Variants in FBN2 observed in about 807,000 individuals in gnomAD.
The protein encoded by FBN2 is fibrillin 2.
FBN2 carries 105 observed loss-of-function variants against 355.6 expected under a neutral mutation model. The ratio of observed to expected loss-of-function variants is 0.30; its 90% CI spans 0.25 to 0.35. FBN2 has a LOEUF of 0.35. Ranked by LOEUF, FBN2 falls within the 10% of genes least tolerant of loss-of-function variation. The pLI is 1.00. For synonymous variants in FBN2, 1,350 were observed against 1,301.2 expected, an observed-to-expected ratio of 1.04 and a Z score of -0.81; for missense variants, 3,280 against 3,758.7, an observed-to-expected ratio of 0.87 and a Z score of 3.33.
At chr5:128,426,583 G>T (rs187638780) in intron 7 of FBN2, among the ~76,000 whole-genome samples, 72 of 152,238 alleles carry the variant, frequency 4.7e-4, no homozygotes, top group African/African-American at 1.6e-3. Context: ...AGTTCACACA[G>T]GTTTTCCAAT....
chr5:128,456,358 C>G (rs1754394766), intron 6 of FBN2, among the ~76,000 whole-genome samples: 1 of 152,216 alleles, frequency 6.6e-6, no homozygotes, highest in Admixed American at 6.5e-5. Context: ...GACTTAGCCT[C>G]TCCTCCTGGT....
intron 16 of FBN2, among the ~76,000 whole-genome samples, chr5:128,367,839 T>C (rs1476962710): frequency 6.6e-6 from 1 of 151,816 alleles, no homozygotes; most frequent in East Asian, 2.0e-4. Flanking sequence ...GTTTGGTACA[T>C]TTTAGAACTA....
intron 5 of FBN2, among the ~76,000 whole-genome samples, chr5:128,502,192 C>T (rs980854448): frequency 6.6e-6 from 1 of 151,612 alleles, no homozygotes; most frequent in African/African-American, 2.4e-5. Context: ...GTACAAACAG[C>T]TCAAAGAAAC....
rs150320794 is a variant in FBN2 at position 128,289,775 on chromosome 5, AATATACT to A, written c.6511+100_6511+106del. 2,927 of 706,494 alleles carry A rather than the reference AATATACT, an allele frequency of 4.1e-3. 64 individuals carry two copies. The African/African-American group carries it at 0.047, about 11-fold the overall frequency. The allele number at this position is 706,494 out of a possible 1,614,324, so 43.8% of individuals were successfully genotyped here. ...AGGGTTATATACATCCATTAAATAC[AATATACT>A]ATATGTTACATAGTAAAGTTAGCAT... On this transcript the variant is annotated intron_variant, in intron 51 of 64. Coordinates refer to ENST00000262464, the MANE Select transcript of FBN2 (RefSeq NM_001999.4).
chr5:128,339,146 T>G, intron 25 of FBN2, 85 bp from the exon 26 acceptor site: 1 of 1,405,094 alleles, frequency 7.1e-7, no homozygotes, highest in South Asian at 1.2e-5. Context: ...GCTTGAAAAG[T>G]TGGGGAAATT....
At chr5:128,414,806 C>T (rs545014743) in intron 7 of FBN2, among the ~76,000 whole-genome samples, 1 of 148,360 alleles carries the variant, frequency 6.7e-6, no homozygotes, top group East Asian at 2.0e-4. Flanking sequence ...TCATTATCTA[C>T]TTTTTTTTTT....
chr5:128,349,103 G>A (rs1398039473), intron 23 of FBN2, among the ~76,000 whole-genome samples: 1 of 152,150 alleles, frequency 6.6e-6, no homozygotes, highest in Non-Finnish European at 1.5e-5. Flanking sequence ...TAAATTATCT[G>A]GTTAAAGAAA....
intron 63 of FBN2, among the ~76,000 whole-genome samples, chr5:128,262,865 G>A (rs1036528151): frequency 1.3e-5 from 2 of 152,188 alleles, no homozygotes; most frequent in African/African-American, 4.8e-5. Flanking sequence ...ACAGCCCATG[G>A]AACTTGAGAC....
chr5:128,420,530 T>C (rs1178137131), intron 7 of FBN2, among the ~76,000 whole-genome samples: 3 of 152,198 alleles, frequency 2.0e-5, no homozygotes, highest in African/African-American at 7.2e-5. Context: ...ATGTTAGCTT[T>C]AGCTATAGTA....
chr5:128,350,615 A>G (rs993943606), intron 21 of FBN2, among the ~76,000 whole-genome samples: 3 of 152,228 alleles, frequency 2.0e-5, no homozygotes, highest in Non-Finnish European at 2.9e-5. Flanking sequence ...ATACCAGAGG[A>G]TACAGTCATC....
chr5:128,537,304 CT>C, intron 1 of FBN2, 45 bp downstream of exon 1: 1 of 1,604,202 alleles, frequency 6.2e-7, no homozygotes, highest in Non-Finnish European at 8.5e-7. Context: ...GGATTCCCCC[CT>C]CCCCCAAGCC....
chr5:128,391,817 G>C (rs1752519543), intron 11 of FBN2, among the ~76,000 whole-genome samples: 1 of 152,124 alleles, frequency 6.6e-6, no homozygotes, highest in Non-Finnish European at 1.5e-5. Flanking sequence ...TTTAGGACTT[G>C]AAAGGGTAGG....
At chr5:128,355,504 T>G (rs890019182) in intron 20 of FBN2, among the ~76,000 whole-genome samples, 4 of 152,204 alleles carry the variant, frequency 2.6e-5, no homozygotes, top group South Asian at 2.1e-4. Context: ...AGTATCCAAC[T>G]AATTCATATA....
intron 11 of FBN2, among the ~76,000 whole-genome samples, chr5:128,382,145 T>C (rs2126964242): frequency 6.6e-6 from 1 of 152,128 alleles, no homozygotes; most frequent in African/African-American, 2.4e-5. Context: ...AACCTCAAAA[T>C]GACTCAATTA....
chr5:128,403,106 A>G (rs903163861), intron 8 of FBN2, among the ~76,000 whole-genome samples: 1 of 152,252 alleles, frequency 6.6e-6, no homozygotes. Flanking sequence ...AAATGCACAC[A>G]TGCATGTGGA....
intron 11 of FBN2, among the ~76,000 whole-genome samples, chr5:128,382,662 C>G (rs867940084): frequency 1.1e-4 from 16 of 152,216 alleles, no homozygotes; most frequent in African/African-American, 3.6e-4. Context: ...GTTAACACCA[C>G]CACTATATGT....
chr5:128,466,004 G>A (rs1027215099), intron 5 of FBN2, among the ~76,000 whole-genome samples: 14 of 152,190 alleles, frequency 9.2e-5, no homozygotes, highest in African/African-American at 3.4e-4. Flanking sequence ...TTAGCCCTGG[G>A]TATTTCTGCT....
At chr5:128,481,320 A>G (rs1292364964) in intron 5 of FBN2, among the ~76,000 whole-genome samples, 1 of 152,168 alleles carries the variant, frequency 6.6e-6, no homozygotes, top group Non-Finnish European at 1.5e-5. Context: ...TACTGTTCCG[A>G]CCTGGCAACA....
Position 128,537,458 on chromosome 5 carries a change from G to A in FBN2, c.146C>T (p.Ser49Phe), listed in dbSNP as rs746057905. ...RPQPPPQQVR[S>F]ATAGSEGGFL... ...CCCGCCTTCAGAGCCTGCTGTAGCG[G>A]ACCGAACCTGTTGCGGCGGCGGCTG... Residue 49 changes from serine to phenylalanine, a missense_variant, in exon 1 of 65, where the codon TCC becomes TTC. Coordinates refer to ENST00000262464, the MANE Select transcript of FBN2 (RefSeq NM_001999.4). The A allele has an allele frequency of 1.2e-5, 19 of 1,606,500 alleles. No homozygotes were observed. The South Asian group carries it at 2.0e-4, about 17-fold the overall frequency.
Sources: gnomAD v4.1 joint callset for allele counts (sites outside exome capture counted in the v4.1 genomes callset) on GRCh38, gnomAD v4.1.1 for gene constraint, MANE v1.5 for transcripts, NCBI Gene and HGNC (gene_info 2026-07-23, HGNC 2026-07-21) for gene names.